Variants in MYO9A observed in about 807,000 individuals in gnomAD.
MYO9A encodes the protein unconventional myosin-IXa.
A neutral mutation model predicts 293.3 loss-of-function variants in MYO9A; 103 were observed. The observed-to-expected ratio is 0.35, with a 90% CI of 0.30 to 0.41. MYO9A has a LOEUF of 0.41. MYO9A is among the 10% of genes least tolerant of loss of function. The pLI is 1.00. For synonymous variants in MYO9A, 1,001 were observed against 1,035.7 expected, an observed-to-expected ratio of 0.97 and a Z score of 0.64; for missense variants, 2,685 against 3,033.0, an observed-to-expected ratio of 0.89 and a Z score of 2.69.
intron 1 of MYO9A, among the ~76,000 whole-genome samples, chr15:72,089,867 G>C (rs1227239400): frequency 6.6e-6 from 1 of 152,088 alleles, no homozygotes; most frequent in Non-Finnish European, 1.5e-5. Flanking sequence ...AGTTTCTCTG[G>C]GTTTTGGTCC....
intron 7 of MYO9A, among the ~76,000 whole-genome samples, chr15:72,008,504 G>A (rs997214926): frequency 1.3e-5 from 2 of 150,720 alleles, no homozygotes; most frequent in South Asian, 4.2e-4. Flanking sequence ...GTGTGTGTGT[G>A]TATGTGTGTG....
At chr15:71,867,714 T>C (rs113805172) in intron 32 of MYO9A, among the ~76,000 whole-genome samples, 2,812 of 151,442 alleles carry the variant, frequency 0.019, 90 homozygotes, top group African/African-American at 0.065. Context: ...GAGACTACCT[T>C]TATTACAGAG....
intron 2 of MYO9A, among the ~76,000 whole-genome samples, chr15:72,044,796 C>T (rs1344721797): frequency 6.6e-6 from 1 of 152,156 alleles, no homozygotes; most frequent in Non-Finnish European, 1.5e-5. Flanking sequence ...ATATTTTCAC[C>T]AACCATCACA....
intron 5 of MYO9A, among the ~76,000 whole-genome samples, chr15:72,020,350 T>C (rs778784252): frequency 1.3e-5 from 2 of 152,150 alleles, no homozygotes; most frequent in Non-Finnish European, 2.9e-5. Context: ...AATGTGGAAG[T>C]TTAGGGATGA....
chr15:71,879,215 C>T (rs543831127), intron 30 of MYO9A, among the ~76,000 whole-genome samples: 2 of 152,182 alleles, frequency 1.3e-5, no homozygotes, highest in South Asian at 2.1e-4. Flanking sequence ...ATTGCACACA[C>T]CAAAAATAAA....
chr15:71,832,006 G>A (rs1023453898), intron 39 of MYO9A, among the ~76,000 whole-genome samples: 4 of 152,212 alleles, frequency 2.6e-5, no homozygotes, highest in African/African-American at 7.2e-5. Flanking sequence ...GCTGGGCACC[G>A]TGGCTCATGC....
chr15:71,851,916 A>C (rs976127119), intron 36 of MYO9A, among the ~76,000 whole-genome samples: 1 of 152,230 alleles, frequency 6.6e-6, no homozygotes, highest in Non-Finnish European at 1.5e-5. Flanking sequence ...TGTCTCACTC[A>C]GAAAATTTTT....
intron 1 of MYO9A, among the ~76,000 whole-genome samples, chr15:72,098,812 A>AAAAACAAAAC (rs754861307): frequency 7.9e-5 from 12 of 152,136 alleles, no homozygotes; most frequent in African/African-American, 1.9e-4. Context: ...CCCCCATCTC[A>AAAAACAAAAC]AAAACAAAAC....
At chr15:71,854,644 G>T in intron 34 of MYO9A, 75 bp from the exon 35 acceptor site, 1 of 1,216,156 alleles carries the variant, frequency 8.2e-7, no homozygotes, top group South Asian at 2.0e-5. Flanking sequence ...TCTTTACCAG[G>T]AGCTACTTTT....
intron 15 of MYO9A, among the ~76,000 whole-genome samples, chr15:71,945,650 A>C (rs1420778859): frequency 1.3e-5 from 2 of 152,160 alleles, no homozygotes; most frequent in Non-Finnish European, 2.9e-5. Flanking sequence ...TTTTCCTTAA[A>C]TAGGAAGTGT....
In MYO9A at chr15:72,103,459, A is replaced by AAGAAGCAGCAGCAGAAGC. The variant is rs879478352; in HGVS notation, c.-72+14203_-72+14220dup. Among the ~76,000 whole-genome samples, 644 of 144,842 alleles carry AAGAAGCAGCAGCAGAAGC rather than the reference A, an allele frequency of 4.4e-3. 9 individuals are homozygous for AAGAAGCAGCAGCAGAAGC. The highest frequency in any genetic ancestry group is 0.017 in the Middle Eastern group (5 of 286). ...GCAGAAGCAGAAGCAGCAGCAGAAG[A>AAGAAGCAGCAGCAGAAGC]AGAAGCAGCAGCAGAAGCAGAAGCA... On this transcript the variant is annotated intron_variant, in intron 1 of 41. Coordinates refer to ENST00000356056, the MANE Select transcript of MYO9A (RefSeq NM_006901.4).
intron 17 of MYO9A, among the ~76,000 whole-genome samples, chr15:71,934,507 A>T (rs1282572931): frequency 6.6e-6 from 1 of 152,154 alleles, no homozygotes; most frequent in Non-Finnish European, 1.5e-5. Flanking sequence ...AGGATTATGG[A>T]ATCCAATTCA....
chr15:71,830,260 C>T lies in MYO9A; in HGVS notation c.6889G>A (p.Val2297Ile), dbSNP rs755880192. ...TCAGACACAGAAGGCAACCGAACTA[C>T]AACAGGAGACGATGGACCTGGATAG... is the stretch of plus-strand genomic sequence containing the variant. ...GNYPGPSSPV[V>I]VRLPSVSDVS... Residue 2297 changes from valine (V) to isoleucine (I), a missense_variant, in exon 40 of 42, where the codon GTA becomes ATA. Physicochemically the swap from Val to Ile is conservative, Grantham distance 29. This residue lies in a region of MYO9A where 350 missense variants were observed against 328.9 expected (regional missense o/e 1.06). Coordinates refer to ENST00000356056, the MANE Select transcript of MYO9A (RefSeq NM_006901.4). 1 of 1,614,066 alleles carries T rather than the reference C, an allele frequency of 6.2e-7. No homozygotes were observed. Among genetic ancestry groups the T allele is most frequent in the East Asian group, 2.2e-5 (1 of 44,872 alleles).
intron 18 of MYO9A, among the ~76,000 whole-genome samples, chr15:71,921,761 CT>C (rs1403966102): frequency 6.6e-6 from 1 of 152,050 alleles, no homozygotes; most frequent in African/African-American, 2.4e-5. Flanking sequence ...CCTCAATGAT[CT>C]TTTTTCCAAT....
chr15:72,085,258 T>C (rs2079679853), intron 1 of MYO9A, among the ~76,000 whole-genome samples: 1 of 152,124 alleles, frequency 6.6e-6, no homozygotes, highest in Non-Finnish European at 1.5e-5. Context: ...CTGGGTGTGG[T>C]GGCACAGGCC....
chr15:72,081,215 C>A (rs553600349), intron 1 of MYO9A, among the ~76,000 whole-genome samples: 1 of 152,202 alleles, frequency 6.6e-6, no homozygotes, highest in African/African-American at 2.4e-5. Flanking sequence ...TCTCTGCAAC[C>A]CCGCTAGCAT....
In MYO9A at chr15:72,047,774, C is replaced by CTTTTTTTT. The variant is rs11397735; in HGVS notation, c.-71-1148_-71-1141dup. Among the ~76,000 whole-genome samples the CTTTTTTTT allele has an allele frequency of 4.0e-3, 298 of 74,368 alleles. 12 individuals carry two copies. Among genetic ancestry groups the CTTTTTTTT allele is most frequent in the Non-Finnish European group, 4.3e-3 (187 of 43,912 alleles). The allele number at this position is 74,368 out of a possible 152,430, so 48.8% of individuals were successfully genotyped here. A position where few individuals can be genotyped will look rare whatever the true frequency, so the allele number is the denominator to read the frequency against. On this transcript the variant is annotated intron_variant, in intron 1 of 41. Transcript: ENST00000356056. Reference sequence around the variant, plus strand: ...AAGAAGAAATACTTTCAGTTACTTCCTTTTTTTTTTTTTTTTTTTTTGAGA... The same window carrying CTTTTTTTT: ...AAGAAGAAATACTTTCAGTTACTTCCTTTTTTTTTTTTTTTTTTTTTTTTTTTTTGAGA...
chr15:72,008,337 A>G (rs772403590), intron 7 of MYO9A, among the ~76,000 whole-genome samples: 26 of 152,044 alleles, frequency 1.7e-4, no homozygotes, highest in Non-Finnish European at 7.4e-5. Context: ...AAGGCCTTGA[A>G]TCTGTATTTT....
intron 2 of MYO9A, among the ~76,000 whole-genome samples, chr15:72,034,643 A>G (rs2077986400): frequency 6.6e-6 from 1 of 152,370 alleles, no homozygotes; most frequent in South Asian, 2.1e-4. Flanking sequence ...AGGAATTTAG[A>G]AAAACCACAT....
Sources: allele counts gnomAD v4.1 joint callset (sites outside exome capture counted in the v4.1 genomes callset), GRCh38; gene constraint gnomAD v4.1.1; regional missense constraint gnomAD v4.1.1; transcripts MANE v1.5; gene names NCBI Gene and HGNC (gene_info 2026-07-23, HGNC 2026-07-21).